The following TMEM163 variants were observed in gnomAD, a reference collection of about 807,000 sequenced individuals.
TMEM163 encodes the protein transmembrane protein 163.
TMEM163 carries 17 observed loss-of-function variants against 29.3 expected under a neutral mutation model. That is an observed-to-expected ratio of 0.58 (90% CI 0.40 to 0.87). The LOEUF is 0.87. Among genes scored for constraint, TMEM163 ranks in the 40% least tolerant of loss-of-function variants. The pLI, the probability that TMEM163 is intolerant of heterozygous loss-of-function variation, is 0.00. For synonymous variants in TMEM163, 157 were observed against 160.6 expected (o/e 0.98, Z 0.17); for missense variants, 303 against 381.5 (o/e 0.79, Z 1.71).
At chr2:134,600,664 G>T (rs769324280) in intron 2 of TMEM163, among the ~76,000 whole-genome samples, 90 of 152,162 alleles carry the variant, frequency 5.9e-4, no homozygotes, top group Non-Finnish European at 1.0e-3. Flanking sequence ...GCATCAAAAA[G>T]CACCTGTGAA....
intron 5 of TMEM163, among the ~76,000 whole-genome samples, chr2:134,480,053 T>G (rs1687012902): frequency 6.6e-6 from 1 of 152,196 alleles, no homozygotes. Context: ...CACTGCCCCA[T>G]ACGCAGTCTT....
intron 4 of TMEM163, among the ~76,000 whole-genome samples, chr2:134,535,666 G>A (rs78591812): frequency 0.025 from 3,737 of 151,370 alleles, 153 homozygotes; most frequent in African/African-American, 0.085. Context: ...TCATGTTAAT[G>A]TATATTACTT....
intron 4 of TMEM163, among the ~76,000 whole-genome samples, chr2:134,538,502 C>T (rs1412233951): frequency 1.3e-5 from 2 of 152,202 alleles, no homozygotes; most frequent in African/African-American, 4.8e-5. Context: ...CAAACACTAG[C>T]ACATGGAGGG....
intron 2 of TMEM163, among the ~76,000 whole-genome samples, chr2:134,605,017 T>C (rs1446279097): frequency 6.6e-6 from 1 of 151,944 alleles, no homozygotes; most frequent in Admixed American, 6.6e-5. Context: ...CTGTCTCTAC[T>C]AAATATACAA....
At chr2:134,543,892 G>A (rs1366844610) in intron 4 of TMEM163, among the ~76,000 whole-genome samples, 1 of 152,172 alleles carries the variant, frequency 6.6e-6, no homozygotes, top group Non-Finnish European at 1.5e-5. Flanking sequence ...CCAATGTGCT[G>A]CTGAGCAGAA....
chr2:134,599,528 G>A (rs555006451), intron 2 of TMEM163, among the ~76,000 whole-genome samples: 19 of 152,076 alleles, frequency 1.2e-4, no homozygotes, highest in East Asian at 7.7e-4. Flanking sequence ...GAACCTGATC[G>A]TACACCCTCA....
At chr2:134,507,155 G>A (rs562883994) in intron 4 of TMEM163, among the ~76,000 whole-genome samples, 4 of 152,058 alleles carry the variant, frequency 2.6e-5, no homozygotes, top group South Asian at 4.2e-4. Flanking sequence ...TGCCCAACAC[G>A]GACAAACCCC....
chr2:134,498,136 G>T (rs1405835560), intron 5 of TMEM163, among the ~76,000 whole-genome samples: 1 of 152,178 alleles, frequency 6.6e-6, no homozygotes, highest in African/African-American at 2.4e-5. Flanking sequence ...AGGGGCCCCA[G>T]AGTCAGGGTG....
At chr2:134,537,909 T>G (rs568006406) in intron 4 of TMEM163, among the ~76,000 whole-genome samples, 2 of 152,208 alleles carry the variant, frequency 1.3e-5, no homozygotes, top group South Asian at 4.1e-4. Context: ...AAAACCACAC[T>G]GAGATACCAT....
At chr2:134,589,318 T>C (rs1681889633) in intron 2 of TMEM163, among the ~76,000 whole-genome samples, 1 of 152,204 alleles carries the variant, frequency 6.6e-6, no homozygotes, top group South Asian at 2.1e-4. Flanking sequence ...CTGGGCTGCA[T>C]TCCCAGGAGG....
At chr2:134,505,503 G>GT (rs1487858310) in intron 4 of TMEM163, among the ~76,000 whole-genome samples, 2 of 152,048 alleles carry the variant, frequency 1.3e-5, no homozygotes, top group African/African-American at 4.8e-5. Flanking sequence ...AAGGAAGGGG[G>GT]TCTCGTGGGA....
chr2:134,616,945 G>A (rs1011705653), intron 2 of TMEM163, among the ~76,000 whole-genome samples: 1 of 152,172 alleles, frequency 6.6e-6, no homozygotes, highest in African/African-American at 2.4e-5. Flanking sequence ...GAAATACCAA[G>A]GGAAGCTTAA....
chr2:134,595,990 T>G (rs956034885), intron 2 of TMEM163, among the ~76,000 whole-genome samples: 2 of 152,234 alleles, frequency 1.3e-5, no homozygotes, highest in African/African-American at 4.8e-5. Flanking sequence ...TTGTTTGAGT[T>G]CTTTGTAGAT....
intron 2 of TMEM163, among the ~76,000 whole-genome samples, chr2:134,658,926 T>C (rs1217112453): frequency 6.6e-6 from 1 of 152,168 alleles, no homozygotes; most frequent in Non-Finnish European, 1.5e-5. Context: ...AAGCATCTGC[T>C]TTGCAAAAGA....
intron 2 of TMEM163, among the ~76,000 whole-genome samples, chr2:134,587,648 T>C (rs575068173): frequency 6.6e-6 from 1 of 152,324 alleles, no homozygotes; most frequent in Admixed American, 6.5e-5. Flanking sequence ...ACTAAGACTC[T>C]AAGACTCTCA....
chr2:134,512,837 TG>T (rs1334765179), intron 4 of TMEM163, among the ~76,000 whole-genome samples: 2 of 152,228 alleles, frequency 1.3e-5, no homozygotes, highest in Non-Finnish European at 2.9e-5. Context: ...TGATGTGGCA[TG>T]TTTTAACAGG....
intron 7 of TMEM163, among the ~76,000 whole-genome samples, chr2:134,457,663 C>T (rs140745350): frequency 1.8e-3 from 269 of 152,340 alleles, no homozygotes; most frequent in Middle Eastern, 6.8e-3. Context: ...CCATTTGTGG[C>T]AGGAGGGGCT....
chr2:134,601,892 C>A (rs1264344108), intron 2 of TMEM163, among the ~76,000 whole-genome samples: 2 of 152,104 alleles, frequency 1.3e-5, no homozygotes, highest in Non-Finnish European at 2.9e-5. Flanking sequence ...GCAAGCCTCA[C>A]TTAAAAGGTG....
At chr2:134,691,308 T>C (rs1050621979) in intron 2 of TMEM163, among the ~76,000 whole-genome samples, 7 of 152,168 alleles carry the variant, frequency 4.6e-5, no homozygotes, top group African/African-American at 1.7e-4. Context: ...AGTAGACCCG[T>C]GTCCCTGGAG....
Sources: allele counts gnomAD v4.1 joint callset (sites outside exome capture counted in the v4.1 genomes callset), GRCh38; gene constraint gnomAD v4.1.1; transcripts MANE v1.5; gene names NCBI Gene and HGNC (gene_info 2026-07-23, HGNC 2026-07-21).